PTPRN2: variants seen among roughly 807,000 people sequenced by gnomAD.
PTPRN2 encodes receptor-type tyrosine-protein phosphatase N2.
A neutral mutation model predicts 118.8 loss-of-function variants in PTPRN2; 74 were observed. That is an observed-to-expected ratio of 0.62 (90% CI 0.52 to 0.76). The LOEUF (loss-of-function observed/expected upper bound fraction) is 0.76. Among genes scored for constraint, PTPRN2 ranks in the 30% least tolerant of loss-of-function variants. The pLI is 0.00. For synonymous variants in PTPRN2, 641 were observed against 608.0 expected, an observed-to-expected ratio of 1.05 and a Z score of -0.80; for missense variants, 1,481 against 1,394.4, an observed-to-expected ratio of 1.06 and a Z score of -0.99.
rs2150934874 is a variant in PTPRN2, at chr7:157,729,192, A to G, written c.1789-46255T>C. On this transcript the variant is annotated intron_variant, in intron 12 of 22. Coordinates refer to ENST00000389418, the MANE Select transcript of PTPRN2 (RefSeq NM_002847.5). The surrounding 1 kb of genome is among the most constrained non-coding windows in gnomAD (Gnocchi z 4.3). ...TATTAAATACAATATAGAGTATTTC[A>G]TTTTCTGCATCTGCCCATCTTTGAA... Among the ~76,000 whole-genome samples, 1 of 151,838 alleles carries G rather than the reference A, an allele frequency of 6.6e-6. No homozygotes were observed. Among genetic ancestry groups the G allele is most frequent in the South Asian group, 2.1e-4 (1 of 4,808 alleles).
At chr7:158,430,307 A>C (rs1816063707) in intron 2 of PTPRN2, among the ~76,000 whole-genome samples, 1 of 152,196 alleles carries the variant, frequency 6.6e-6, no homozygotes, top group East Asian at 1.9e-4. Context: ...CAAACTCAGC[A>C]TGGGATGAGG....
At position 157,949,709 on chromosome 7, in the gene PTPRN2, G is replaced by A. The variant is rs114471098; in HGVS notation, c.1724-50972C>T. 2.6e-3 allele frequency among the ~76,000 whole-genome samples: 399 copies of A among 152,270 alleles called. 2 individuals are homozygous for A. Among genetic ancestry groups the A allele is most frequent in the African/African-American group, 8.7e-3 (363 of 41,558 alleles). On this transcript the variant is annotated intron_variant, in intron 11 of 22. Transcript: ENST00000389418. ...AGTGGTAATTGTTTACTATCTAGAC[G>A]GGACTCTCCTACTTGATAAAAGTCT...
Position 158,263,010 on chromosome 7 carries a change from TCA to T in PTPRN2, c.277+53807_277+53808del, listed in dbSNP as rs539638887. Among the ~76,000 whole-genome samples the T allele has an allele frequency of 3.0e-3, 418 of 141,020 alleles. 2 individuals are homozygous for T. The highest frequency in any genetic ancestry group is 0.01 in the African/African-American group (365 of 36,412). The allele number at this position is 141,020 out of a possible 152,430, so 92.5% of individuals were successfully genotyped here. On this transcript the variant is annotated intron_variant, in intron 3 of 22. Transcript: ENST00000389418. Reference sequence around the variant, plus strand: ...ATTCACACACATTGCACACACACATTCACACACAGTGCACACATACATATTCA... The same window carrying T: ...ATTCACACACATTGCACACACACATTCACACAGTGCACACATACATATTCA...
chr7:158,340,981 C>G, intron 2 of PTPRN2, among the ~76,000 whole-genome samples: 1 of 79,714 alleles, frequency 1.3e-5, no homozygotes, highest in African/African-American at 4.3e-5. Flanking sequence ...TCACTCACAC[C>G]CACACTCTCA....
chr7:158,481,145 T>C lies in PTPRN2; in HGVS notation c.163+8590A>G, dbSNP rs79435655. 4.7e-3 allele frequency among the ~76,000 whole-genome samples: 722 copies of C among 152,234 alleles called. 6 individuals are homozygous for C. Among genetic ancestry groups the C allele is most frequent in the African/African-American group, 0.016 (678 of 41,574 alleles). On this transcript the variant is annotated intron_variant, in intron 2 of 22. Coordinates refer to ENST00000389418, the MANE Select transcript of PTPRN2 (RefSeq NM_002847.5). Reference sequence around the variant, plus strand: ...GTGAGGAGCTGATGCAGCTGAGGACTTTAAGTCAAAGCCAATGCTTGTTCA... The same window carrying C: ...GTGAGGAGCTGATGCAGCTGAGGACCTTAAGTCAAAGCCAATGCTTGTTCA...
At chr7:157,797,431 G>GGCA (rs1585494093) in intron 12 of PTPRN2, among the ~76,000 whole-genome samples, 1 of 152,192 alleles carries the variant, frequency 6.6e-6, no homozygotes, top group African/African-American at 2.4e-5. Context: ...CCTCCTGCCT[G>GGCA]GCAGGTTACA....
chr7:157,542,011 C>A (rs914941661), intron 22 of PTPRN2, among the ~76,000 whole-genome samples: 1 of 152,160 alleles, frequency 6.6e-6, no homozygotes, highest in African/African-American at 2.4e-5. Context: ...CTGAGCCTGG[C>A]GGCCACCTCA....
intron 21 of PTPRN2, among the ~76,000 whole-genome samples, chr7:157,555,854 G>C (rs1798849725): frequency 1.3e-5 from 2 of 152,212 alleles, no homozygotes; most frequent in African/African-American, 4.8e-5. Context: ...TGATTATTAA[G>C]AATCCAGATA....
rs1796424889 is a variant in PTPRN2 at position 157,671,702 on chromosome 7, C to T, written c.2001+11023G>A. On this transcript the variant is annotated intron_variant, in intron 13 of 22. Transcript: ENST00000389418. The surrounding 1 kb of genome is among the most constrained non-coding windows in gnomAD (Gnocchi z 4.1). ...GGAGCGGCTACTGGAGCAGCTGCTT[C>T]TCCATTTTCGGAACTGCACGTCGTT... 6.6e-6 allele frequency among the ~76,000 whole-genome samples: 1 copy of T among 152,142 alleles called. No individual in the cohort carries two copies. The highest frequency in any genetic ancestry group is 1.9e-4 in the East Asian group (1 of 5,188).
intron 2 of PTPRN2, among the ~76,000 whole-genome samples, chr7:158,368,757 C>T (rs1455824420): frequency 2.0e-5 from 3 of 152,184 alleles, no homozygotes; most frequent in African/African-American, 4.8e-5. Flanking sequence ...CCATCCTCGA[C>T]CCCCCAAGTC....
intron 9 of PTPRN2, among the ~76,000 whole-genome samples, chr7:158,128,716 C>G (rs1817903865): frequency 6.6e-6 from 1 of 152,140 alleles, no homozygotes; most frequent in Non-Finnish European, 1.5e-5. Flanking sequence ...GCCTCCTGCT[C>G]TCCGGGTGAA....
chr7:158,379,377 CAA>C (rs1172755654), intron 2 of PTPRN2, among the ~76,000 whole-genome samples: 2 of 151,892 alleles, frequency 1.3e-5, no homozygotes, highest in South Asian at 4.2e-4. Flanking sequence ...TTGATGAAAG[CAA>C]AGACAGGAAC....
intron 12 of PTPRN2, among the ~76,000 whole-genome samples, chr7:157,747,597 C>G (rs1358599106): frequency 4.7e-5 from 4 of 85,344 alleles, no homozygotes; most frequent in South Asian, 5.2e-4. Flanking sequence ...TGTGGGGTGT[C>G]CGGGTGATTC....
chr7:158,434,278 A>G (rs1056475213), intron 2 of PTPRN2, among the ~76,000 whole-genome samples: 1 of 152,226 alleles, frequency 6.6e-6, no homozygotes, highest in Non-Finnish European at 1.5e-5. Context: ...CACCAATAAT[A>G]AAAACAAACA....
chr7:158,280,502 G>T (rs561330788), intron 3 of PTPRN2, among the ~76,000 whole-genome samples: 2 of 152,296 alleles, frequency 1.3e-5, no homozygotes, highest in East Asian at 3.9e-4. Flanking sequence ...CGTTTAATTG[G>T]TCCTCTCCAG....
chr7:158,503,933 G>A (rs80083930), intron 1 of PTPRN2, among the ~76,000 whole-genome samples: 2,751 of 151,792 alleles, frequency 0.018, 67 homozygotes, highest in African/African-American at 0.057. Context: ...CCCGGGAGTC[G>A]GAGGTTGCAG....
rs762892886 is a variant in PTPRN2, at chr7:158,517,823, C to T, written c.113-28038G>A. On this transcript the variant is annotated intron_variant, in intron 1 of 22. Transcript: ENST00000389418. The surrounding 1 kb of genome is among the most constrained non-coding windows in gnomAD (Gnocchi z 5.3). The stretch of plus-strand genomic sequence containing the variant: ...CCTCCCCAGGCACCTCCATCCCCTT[C>T]GTCACACATCCCACACACCCCGGTT... Among the ~76,000 whole-genome samples the T allele has an allele frequency of 1.3e-5, 2 of 152,282 alleles. No homozygotes were observed. The highest frequency in any genetic ancestry group is 2.1e-4 in the South Asian group (1 of 4,828).
chr7:157,578,016 A>T lies in PTPRN2; in HGVS notation c.2616+5T>A. The T allele has an allele frequency of 6.2e-7, 1 of 1,605,138 alleles. No individual in the cohort carries two copies. The highest frequency in any genetic ancestry group is 8.5e-7 in the Non-Finnish European group (1 of 1,173,374). ...TCCTGCCCTGGGTGGCTCTGGTCGG[A>T]GTACCTCATAGATGTGGTAGAGATT... is the stretch of plus-strand genomic sequence containing the variant. On this transcript the variant is annotated splice_donor_5th_base_variant and intron_variant, in intron 18 of 22. Coordinates refer to ENST00000389418, the MANE Select transcript of PTPRN2 (RefSeq NM_002847.5).
At chr7:157,561,091 G>A (rs1196272964) in intron 21 of PTPRN2, among the ~76,000 whole-genome samples, 1 of 152,034 alleles carries the variant, frequency 6.6e-6, no homozygotes, top group Non-Finnish European at 1.5e-5. Flanking sequence ...CTGCCTGGCT[G>A]GTCCCCCAGC....
Sources: allele counts gnomAD v4.1 joint callset (sites outside exome capture counted in the v4.1 genomes callset), GRCh38; gene constraint gnomAD v4.1.1; non-coding constraint Gnocchi (gnomAD v3.1); transcripts MANE v1.5; gene names NCBI Gene and HGNC (gene_info 2026-07-23, HGNC 2026-07-21).